The following TANC2 variants were observed in gnomAD, a reference collection of about 807,000 sequenced individuals.
The protein encoded by TANC2 is tetratricopeptide repeat, ankyrin repeat and coiled-coil containing 2, also known as protein TANC2.
In TANC2, 26 loss-of-function variants were observed where a neutral mutation model predicts 210.5. The ratio of observed to expected loss-of-function variants is 0.12; its 90% confidence interval spans 0.09 to 0.17. TANC2 has a LOEUF of 0.17. Among genes scored for constraint, TANC2 ranks in the 10% least tolerant of loss-of-function variants. TANC2 has a pLI of 1.00. For synonymous variants in TANC2, 931 were observed against 967.1 expected (o/e 0.96, Z 0.69); for missense variants, 2,129 against 2,608.9 (o/e 0.82, Z 4.01).
intron 15 of TANC2, among the ~76,000 whole-genome samples, chr17:63,383,200 G>T (rs1301367062): frequency 6.6e-6 from 1 of 152,142 alleles, no homozygotes; most frequent in African/African-American, 2.4e-5. Context: ...AACCAATAGT[G>T]ATACATTATT....
At chr17:63,309,838 G>A (rs1373565938) in intron 9 of TANC2, among the ~76,000 whole-genome samples, 4 of 152,092 alleles carry the variant, frequency 2.6e-5, no homozygotes, top group Non-Finnish European at 5.9e-5. Flanking sequence ...CACTGATGCA[G>A]TAGTAGACTT....
chr17:63,197,176 T>C (rs544553707), intron 6 of TANC2, among the ~76,000 whole-genome samples: 1 of 152,292 alleles, frequency 6.6e-6, no homozygotes, highest in South Asian at 2.1e-4. Flanking sequence ...CTTTCGTACT[T>C]TCATTGGTTT....
intron 14 of TANC2, among the ~76,000 whole-genome samples, chr17:63,363,953 G>A (rs1384292781): frequency 2.0e-5 from 3 of 152,162 alleles, no homozygotes; most frequent in African/African-American, 7.2e-5. Flanking sequence ...CCACTGAGTG[G>A]TAATCAGTCT....
chr17:63,398,828 C>A (rs1160961847), exon 19 of TANC2: 5 of 1,581,996 alleles, frequency 3.2e-6, no homozygotes, highest in South Asian at 1.2e-5. Flanking sequence ...CAGATTGTCT[C>A]CTACCTACTT....
chr17:63,101,892 C>A (rs1173028302), intron 4 of TANC2, among the ~76,000 whole-genome samples: 1 of 152,014 alleles, frequency 6.6e-6, no homozygotes, highest in East Asian at 1.9e-4. Flanking sequence ...GCTTTCCAGG[C>A]AGAGCTAACA....
chr17:63,059,862 C>CT (rs1424850280), intron 2 of TANC2, among the ~76,000 whole-genome samples: 1 of 152,122 alleles, frequency 6.6e-6, no homozygotes, highest in Non-Finnish European at 1.5e-5. Flanking sequence ...CCAGCTAGTT[C>CT]TTTAAGAAGT....
At chr17:63,041,184 GA>G (rs1360121843) in intron 2 of TANC2, among the ~76,000 whole-genome samples, 6 of 150,254 alleles carry the variant, frequency 4.0e-5, no homozygotes, top group Admixed American at 6.6e-5. Context: ...TCCCCAAAAA[GA>G]AAAAAAAATT....
chr17:63,253,648 T>A (rs1476570263), intron 8 of TANC2, among the ~76,000 whole-genome samples: 2 of 152,172 alleles, frequency 1.3e-5, no homozygotes, highest in Admixed American at 1.3e-4. Context: ...GATCTCGCTC[T>A]GTCACCCAGG....
At chr17:63,357,683 G>C (rs142826098) in intron 14 of TANC2, among the ~76,000 whole-genome samples, 4 of 152,182 alleles carry the variant, frequency 2.6e-5, no homozygotes, top group Non-Finnish European at 5.9e-5. Flanking sequence ...AGTGCTTAAG[G>C]CTCCCTAGGT....
intron 5 of TANC2, among the ~76,000 whole-genome samples, chr17:63,161,873 C>G (rs182491886): frequency 5.8e-4 from 88 of 152,198 alleles, no homozygotes; most frequent in Non-Finnish European, 5.9e-4. Context: ...CTAGCCCTAC[C>G]CTGTTCCCTT....
chr17:63,051,937 T>TA (rs2035596819), intron 2 of TANC2, among the ~76,000 whole-genome samples: 2 of 152,166 alleles, frequency 1.3e-5, no homozygotes, highest in Admixed American at 6.5e-5. Context: ...ATCTTCTACT[T>TA]ACAATGGGTT....
At chr17:63,254,976 A>G (rs1487248951) in intron 8 of TANC2, among the ~76,000 whole-genome samples, 2 of 152,000 alleles carry the variant, frequency 1.3e-5, no homozygotes, top group East Asian at 3.9e-4. Flanking sequence ...GAATCAGTGT[A>G]ATCTAGAATC....
At chr17:63,182,140 A>T (rs1401250361) in intron 5 of TANC2, 1 of 153,448 alleles carries the variant, frequency 6.5e-6, no homozygotes, top group East Asian at 1.9e-4. Context: ...CATGTCCTCC[A>T]GCCTGTTCCT....
intron 3 of TANC2, among the ~76,000 whole-genome samples, chr17:63,093,664 A>C (rs550103988): frequency 6.6e-6 from 1 of 152,168 alleles, no homozygotes; most frequent in Admixed American, 6.6e-5. Flanking sequence ...ACTGCCTGCT[A>C]TATTTCCATT....
intron 19 of TANC2, 31 bp from the exon 20 acceptor site, chr17:63,405,091 C>T (rs770004752): frequency 1.3e-6 from 2 of 1,588,940 alleles, no homozygotes; most frequent in South Asian, 2.2e-5. Context: ...ACCAGAACCA[C>T]CTATCCTCAA....
chr17:63,408,699 T>C (rs890138429), intron 21 of TANC2, among the ~76,000 whole-genome samples: 1 of 152,224 alleles, frequency 6.6e-6, no homozygotes, highest in Non-Finnish European at 1.5e-5. Context: ...CCATAGACTC[T>C]AATGACCTCC....
At chr17:63,300,668 G>A (rs2044683378) in intron 9 of TANC2, among the ~76,000 whole-genome samples, 1 of 152,136 alleles carries the variant, frequency 6.6e-6, no homozygotes. Context: ...ATCAGCTTAA[G>A]GAGTTTTTGG....
chr17:63,401,805 C>A (rs370510066), intron 19 of TANC2, among the ~76,000 whole-genome samples: 2 of 152,320 alleles, frequency 1.3e-5, no homozygotes, highest in East Asian at 3.9e-4. Flanking sequence ...GAGCTTCTAG[C>A]AACTCTGGAG....
intron 9 of TANC2, among the ~76,000 whole-genome samples, chr17:63,309,784 G>C (rs1351344708): frequency 6.6e-6 from 1 of 152,056 alleles, no homozygotes; most frequent in Admixed American, 6.5e-5. Flanking sequence ...AATGATGGGA[G>C]ACTCACAATT....
Sources: gnomAD v4.1 joint callset for allele counts (sites outside exome capture counted in the v4.1 genomes callset) on GRCh38, gnomAD v4.1.1 for gene constraint, MANE v1.5 for transcripts, NCBI Gene and HGNC (gene_info 2026-07-23, HGNC 2026-07-21) for gene names.